Variants in LPP observed in about 807,000 individuals in gnomAD.
The protein encoded by LPP is LIM domain containing preferred translocation partner in lipoma.
In LPP, 38 loss-of-function variants were observed where a neutral mutation model predicts 60.4. The ratio of observed to expected loss-of-function variants is 0.63; its 90% confidence interval spans 0.49 to 0.83. The LOEUF (loss-of-function observed/expected upper bound fraction) is 0.83, where lower values mean the gene tolerates loss of function less well. LPP is among the 40% of genes least tolerant of loss of function. LPP has a pLI of 0.00. For synonymous variants in LPP, 328 were observed against 290.8 expected (o/e 1.13, Z -1.30); for missense variants, 902 against 783.6 (o/e 1.15, Z -1.80).
chr3:188,274,166 TAAC>T (rs1738838389), intron 2 of LPP, among the ~76,000 whole-genome samples: 1 of 152,234 alleles, frequency 6.6e-6, no homozygotes, highest in Non-Finnish European at 1.5e-5. Context: ...CTTCCTAACT[TAAC>T]AATGGAAATT....
In LPP at chr3:188,760,219, C is replaced by T. The variant is rs1472605485; in HGVS notation, c.1347C>T (p.Asn449=). Residue 449 remains asparagine (N), a synonymous_variant, in exon 9 of 12, where the codon AAC becomes AAT. Transcript: ENST00000617246. ...VDCFTCIICN[N]KLRGQPFYAV... is the part of the protein sequence containing the mutation. ...GTTTTACCTGCATCATCTGCAACAA[C>T]AAGCTCCGAGGGCAGCCATTCTATG... 6 of 1,614,052 alleles carry T rather than the reference C, an allele frequency of 3.7e-6. No individual in the cohort carries two copies. In the South Asian group the frequency reaches 5.5e-5, roughly 15 times the overall value.
chr3:188,462,840 G>T (rs958052313), intron 4 of LPP, among the ~76,000 whole-genome samples: 1 of 151,584 alleles, frequency 6.6e-6, no homozygotes, highest in African/African-American at 2.4e-5. Flanking sequence ...AGCACGGTGG[G>T]TCACACCTGT....
At chr3:188,682,600 C>T (rs1859776757) in intron 7 of LPP, among the ~76,000 whole-genome samples, 1 of 152,210 alleles carries the variant, frequency 6.6e-6, no homozygotes, top group East Asian at 1.9e-4. Flanking sequence ...GCAGGCATTT[C>T]AGGAGTAGAA....
intron 9 of LPP, among the ~76,000 whole-genome samples, chr3:188,821,530 C>A (rs1753955951): frequency 6.6e-6 from 1 of 151,872 alleles, no homozygotes; most frequent in African/African-American, 2.4e-5. Flanking sequence ...ACTCTTAACA[C>A]CTAAAAATAG....
At chr3:188,264,915 C>A (rs1734948583) in intron 2 of LPP, among the ~76,000 whole-genome samples, 1 of 152,056 alleles carries the variant, frequency 6.6e-6, no homozygotes, top group Non-Finnish European at 1.5e-5. Flanking sequence ...ATGATTTCAA[C>A]CTGCAATTAT....
intron 2 of LPP, chr3:188,240,291 G>A (rs1577476222): frequency 1.2e-5 from 2 of 168,830 alleles, no homozygotes; most frequent in Middle Eastern, 2.5e-3. Flanking sequence ...ATAGCTTACA[G>A]CTTGCCTAAC....
chr3:188,479,066 T>C (rs974105789), intron 4 of LPP, among the ~76,000 whole-genome samples: 6 of 152,124 alleles, frequency 3.9e-5, no homozygotes, highest in Admixed American at 3.9e-4. Flanking sequence ...TTACTATTAA[T>C]GGAAATGAAT....
At chr3:188,458,015 G>A (rs546812038) in intron 4 of LPP, among the ~76,000 whole-genome samples, 18 of 152,274 alleles carry the variant, frequency 1.2e-4, no homozygotes, top group Admixed American at 5.2e-4. Flanking sequence ...GCTGATACAT[G>A]GAGCAGCAGA....
chr3:188,387,603 G>A (rs995682191), intron 3 of LPP, among the ~76,000 whole-genome samples: 1 of 146,390 alleles, frequency 6.8e-6, no homozygotes, highest in Non-Finnish European at 1.5e-5. Flanking sequence ...GTCTCACCCT[G>A]TCGCCCATGC....
At chr3:188,648,515 C>A (rs896996213) in intron 7 of LPP, among the ~76,000 whole-genome samples, 5 of 152,174 alleles carry the variant, frequency 3.3e-5, no homozygotes, top group South Asian at 4.1e-4. Flanking sequence ...GCTGCACTCA[C>A]GTCGTATCCA....
chr3:188,703,734 G>A (rs1279631209), intron 7 of LPP, among the ~76,000 whole-genome samples: 3 of 152,138 alleles, frequency 2.0e-5, no homozygotes, highest in Admixed American at 1.3e-4. Flanking sequence ...AGCATAGCAA[G>A]CAAATAGAGT....
chr3:188,656,813 G>A (rs1016453587), intron 7 of LPP, among the ~76,000 whole-genome samples: 2 of 152,186 alleles, frequency 1.3e-5, no homozygotes, highest in African/African-American at 2.4e-5. Context: ...TGCACAGCAT[G>A]CCACTGAGGG....
At chr3:188,360,306 G>A (rs530386693) in intron 3 of LPP, among the ~76,000 whole-genome samples, 28 of 152,274 alleles carry the variant, frequency 1.8e-4, no homozygotes, top group African/African-American at 6.3e-4. Flanking sequence ...CTGTCATTCT[G>A]TGGGCTTATG....
intron 1 of LPP, among the ~76,000 whole-genome samples, chr3:188,224,776 C>A (rs1186368884): frequency 6.6e-6 from 1 of 152,052 alleles, no homozygotes; most frequent in Non-Finnish European, 1.5e-5. Flanking sequence ...AGAACACACT[C>A]GTGATCGTGA....
At chr3:188,158,032 G>A (rs1717041351) in intron 1 of LPP, among the ~76,000 whole-genome samples, 1 of 152,084 alleles carries the variant, frequency 6.6e-6, no homozygotes, top group Non-Finnish European at 1.5e-5. Flanking sequence ...TCTCGATAGG[G>A]GCCGTTAAGT....
chr3:188,818,897 A>G (rs1212323348), intron 9 of LPP, among the ~76,000 whole-genome samples: 1 of 152,106 alleles, frequency 6.6e-6, no homozygotes, highest in African/African-American at 2.4e-5. Flanking sequence ...TTTCCACTTA[A>G]CTTTGGCTGT....
chr3:188,227,256 A>G (rs1424435916), intron 2 of LPP, among the ~76,000 whole-genome samples: 1 of 151,490 alleles, frequency 6.6e-6, no homozygotes, highest in African/African-American at 2.4e-5. Flanking sequence ...TTACATATGT[A>G]TACATGTGCC....
At chr3:188,307,703 T>A (rs1416795966) in intron 2 of LPP, among the ~76,000 whole-genome samples, 1 of 152,224 alleles carries the variant, frequency 6.6e-6, no homozygotes, top group Non-Finnish European at 1.5e-5. Context: ...GAATAACTGG[T>A]TCTTCATCAC....
intron 6 of LPP, chr3:188,568,051 T>C (rs952684814): frequency 3.3e-5 from 5 of 152,014 alleles, no homozygotes; most frequent in African/African-American, 9.7e-5. Context: ...CAATTGTTAG[T>C]TGTGAAATGT....
Sources: allele counts gnomAD v4.1 joint callset (sites outside exome capture counted in the v4.1 genomes callset), GRCh38; gene constraint gnomAD v4.1.1; transcripts MANE v1.5; gene names NCBI Gene and HGNC (gene_info 2026-07-23, HGNC 2026-07-21).